The following BCAT1 variants were observed in gnomAD, a reference collection of about 807,000 sequenced individuals.
BCAT1 encodes the protein branched chain amino acid transaminase 1.
A neutral mutation model predicts 52.4 loss-of-function variants in BCAT1; 48 were observed. The ratio of observed to expected loss-of-function variants is 0.92; its 90% CI spans 0.73 to 1.16. The LOEUF (loss-of-function observed/expected upper bound fraction) is 1.16, where lower values mean the gene tolerates loss of function less well. Among genes scored for constraint, BCAT1 ranks in the 50% most tolerant of loss-of-function variants. The probability of loss-of-function intolerance (pLI) is 0.00; values close to 1 mark genes in which losing one functional copy is unlikely to be tolerated. For synonymous variants in BCAT1, 167 were observed against 161.3 expected (o/e 1.04, Z -0.27); for missense variants, 451 against 457.1 (o/e 0.99, Z 0.12).
In BCAT1 at chr12:24,903,137, C is replaced by A. The variant is rs577430626; in HGVS notation, c.7-1252G>T. The A allele has an allele frequency of 6.9e-6, 9 of 1,313,246 alleles. No individual in the cohort carries two copies. In the African/African-American group the frequency reaches 1.1e-4, roughly 16 times the overall value. 81.3% of individuals were successfully genotyped at this position (1,313,246 alleles called of 1,614,324 possible). ...CCTGGGGCCGCGCGCCAGGGCCAGG[C>A]GCAGGGTACGACGCAACCCCTCCAG... On this transcript the variant is annotated intron_variant, in intron 1 of 10. Coordinates refer to ENST00000261192, the MANE Select transcript of BCAT1 (RefSeq NM_005504.7).
At chr12:24,902,281 G>A in intron 1 of BCAT1, 1 of 1,323,330 alleles carries the variant, frequency 7.6e-7, no homozygotes, top group Non-Finnish European at 9.6e-7. Context: ...GCTCAGCCTC[G>A]TGGTCTTGTC....
At chr12:24,859,093 TATCTC>T (rs372089584) in intron 5 of BCAT1, among the ~76,000 whole-genome samples, 350 of 152,362 alleles carry the variant, frequency 2.3e-3, no homozygotes, top group African/African-American at 8.0e-3. Context: ...ATGAGAATCT[TATCTC>T]ATGGTAAAAT....
chr12:24,911,244 A>T (rs1017823279), intron 1 of BCAT1, among the ~76,000 whole-genome samples: 1 of 151,890 alleles, frequency 6.6e-6, no homozygotes, highest in Non-Finnish European at 1.5e-5. Flanking sequence ...TTTTTTGCAG[A>T]CATCTCTTAA....
Position 24,849,923 on chromosome 12 carries a change from G to A in BCAT1, c.537C>T (p.Thr179=). Residue 179 remains threonine, a synonymous_variant, in exon 6 of 11, where the codon ACC becomes ACT. Transcript: ENST00000261192. ...TEPSLGVKKP[T]KALLFVLLSP... is the part of the protein sequence containing the mutation. Reference sequence around the variant, plus strand: ...TCAAGAGTACAAAGAGCAGGGCTTTGGTAGGCTTCTTGACTCCAAGAGAAG... The same window carrying A: ...TCAAGAGTACAAAGAGCAGGGCTTTAGTAGGCTTCTTGACTCCAAGAGAAG... 1 of 1,611,368 alleles carries A rather than the reference G, an allele frequency of 6.2e-7. No individual in the cohort carries two copies. The highest frequency in any genetic ancestry group is 8.5e-7 in the Non-Finnish European group (1 of 1,178,272).
At chr12:24,943,188 T>C (rs1364193205) in intron 1 of BCAT1, among the ~76,000 whole-genome samples, 2 of 152,192 alleles carry the variant, frequency 1.3e-5, no homozygotes, top group Non-Finnish European at 2.9e-5. Flanking sequence ...AGATTGGCCA[T>C]ACTTTTCATA....
intron 1 of BCAT1, among the ~76,000 whole-genome samples, chr12:24,943,211 T>G (rs532534472): frequency 1.3e-5 from 2 of 152,304 alleles, no homozygotes; most frequent in Admixed American, 1.3e-4. Context: ...ATTTACAAAC[T>G]GGCCCAGTGC....
At chr12:24,931,216 T>C (rs906327621) in intron 1 of BCAT1, among the ~76,000 whole-genome samples, 14 of 152,040 alleles carry the variant, frequency 9.2e-5, no homozygotes, top group Admixed American at 8.5e-4. Context: ...CAGGATGCTA[T>C]TTTTTTAAAG....
chr12:24,860,207 T>C (rs1793782622), intron 5 of BCAT1, among the ~76,000 whole-genome samples: 1 of 152,118 alleles, frequency 6.6e-6, no homozygotes, highest in African/African-American at 2.4e-5. Flanking sequence ...TTTTGTAAAG[T>C]GTGCCATTAA....
chr12:24,834,574 A>G (rs1591788732), intron 8 of BCAT1: 1 of 974,450 alleles, frequency 1.0e-6, no homozygotes, highest in East Asian at 1.1e-4. Context: ...TAAACCCACA[A>G]GAGATAAAAA....
In BCAT1 at chr12:24,824,333, G is replaced by A. The variant is rs1022873192; in HGVS notation, c.1119+5490C>T. Among the ~76,000 whole-genome samples, 5 of 142,636 alleles carry A rather than the reference G, an allele frequency of 3.5e-5. No individual in the cohort carries two copies. In the East Asian group the frequency reaches 1.1e-3, roughly 31 times the overall value. The allele number at this position is 142,636 out of a possible 152,430, so 93.6% of individuals were successfully genotyped here. ...TTTCGAGACAGGGTCTCTTTCTACAGTGAAGGCTGGAGTGGAGTGCTGTGG... is the reference window on the plus strand; with the variant it reads ...TTTCGAGACAGGGTCTCTTTCTACAATGAAGGCTGGAGTGGAGTGCTGTGG... On this transcript the variant is annotated intron_variant, in intron 10 of 10. Coordinates refer to ENST00000261192, the MANE Select transcript of BCAT1 (RefSeq NM_005504.7).
intron 1 of BCAT1, among the ~76,000 whole-genome samples, chr12:24,916,415 G>A (rs533938228): frequency 1.3e-5 from 2 of 152,008 alleles, no homozygotes; most frequent in African/African-American, 4.8e-5. Context: ...TCAATCCCTC[G>A]AAGCAGTCCG....
chr12:24,832,600 A>G (rs753332292), intron 9 of BCAT1, 123 bp downstream of exon 9: 126 of 1,204,594 alleles, frequency 1.0e-4, no homozygotes, highest in Admixed American at 5.7e-4. Context: ...AAGAAAAACA[A>G]CAACAACGAC....
intron 7 of BCAT1, among the ~76,000 whole-genome samples, chr12:24,839,532 T>C (rs1196574183): frequency 6.6e-6 from 1 of 152,354 alleles, no homozygotes; most frequent in East Asian, 1.9e-4. Flanking sequence ...AAATTACTCA[T>C]CAACAGAGTG....
chr12:24,912,456 C>A (rs558830754), intron 1 of BCAT1, among the ~76,000 whole-genome samples: 1 of 152,198 alleles, frequency 6.6e-6, no homozygotes, highest in Admixed American at 6.5e-5. Flanking sequence ...GGAGGCAGAG[C>A]TTGCAGTGAG....
intron 1 of BCAT1, among the ~76,000 whole-genome samples, chr12:24,934,207 A>G (rs1178873048): frequency 6.6e-6 from 1 of 152,162 alleles, no homozygotes; most frequent in Non-Finnish European, 1.5e-5. Flanking sequence ...TCATCATAAG[A>G]TCTGATGGTT....
intron 6 of BCAT1, among the ~76,000 whole-genome samples, chr12:24,846,537 A>G (rs758678393): frequency 3.3e-5 from 5 of 152,234 alleles, no homozygotes; most frequent in African/African-American, 4.8e-5. Context: ...TCCCTCCAAA[A>G]GAATAAATTC....
intron 7 of BCAT1, 66 bp from the exon 8 acceptor site, chr12:24,836,662 C>A (rs1940938012): frequency 7.6e-7 from 1 of 1,311,326 alleles, no homozygotes; most frequent in African/African-American, 1.5e-5. Flanking sequence ...TTATCAATAG[C>A]CATTTTTTTA....
chr12:24,816,136 T>C lies in BCAT1; in HGVS notation c.*1872A>G, dbSNP rs1053463563. 4.1e-5 allele frequency: 7 copies of C among 171,452 alleles called. No individual in the cohort carries two copies. The highest frequency in any genetic ancestry group is 4.0e-4 in the South Asian group (2 of 4,988). The allele number at this position is 171,452 out of a possible 1,614,324, so 10.6% of individuals were successfully genotyped here. ...ATATTTTTATCATTCCTTTTCATCTTATATTTCTCAATTTTCATTTTACTA... is the reference window on the plus strand; with the variant it reads ...ATATTTTTATCATTCCTTTTCATCTCATATTTCTCAATTTTCATTTTACTA... On this transcript the variant is annotated 3_prime_UTR_variant, in exon 11 of 11. Coordinates refer to ENST00000261192, the MANE Select transcript of BCAT1 (RefSeq NM_005504.7).
At chr12:24,941,074 C>T (rs1005399258) in intron 1 of BCAT1, among the ~76,000 whole-genome samples, 2 of 152,188 alleles carry the variant, frequency 1.3e-5, no homozygotes, top group East Asian at 3.8e-4. Context: ...TAAGACCATT[C>T]CAAGGATGTT....
Sources: allele counts gnomAD v4.1 joint callset (sites outside exome capture counted in the v4.1 genomes callset), GRCh38; gene constraint gnomAD v4.1.1; transcripts MANE v1.5; gene names NCBI Gene and HGNC (gene_info 2026-07-23, HGNC 2026-07-21).